UGP2: variants seen among roughly 807,000 people sequenced by gnomAD.
UGP2 encodes the protein UDP-glucose pyrophosphorylase 2.
In UGP2, 40 loss-of-function variants were observed where a neutral mutation model predicts 49.0. The observed-to-expected ratio is 0.82, with a 90% confidence interval of 0.63 to 1.06. UGP2 has a LOEUF of 1.06. UGP2 is among the 50% of genes least tolerant of loss of function. The probability of loss-of-function intolerance (pLI) is 0.00; values close to 1 mark genes in which losing one functional copy is unlikely to be tolerated. For missense variants in UGP2, 460 were observed against 603.5 expected (o/e 0.76, Z 2.49); for synonymous variants, 225 against 213.0 (o/e 1.06, Z -0.49).
intron 3 of UGP2, among the ~76,000 whole-genome samples, chr2:63,876,027 T>C (rs1195700707): frequency 6.6e-6 from 1 of 152,032 alleles, no homozygotes; most frequent in Non-Finnish European, 1.5e-5. Flanking sequence ...TGCATTCTCC[T>C]GGGGGAGCTA....
At chr2:63,890,647 A>G (rs1301765785) in intron 9 of UGP2, among the ~76,000 whole-genome samples, 1 of 152,224 alleles carries the variant, frequency 6.6e-6, no homozygotes, top group African/African-American at 2.4e-5. Context: ...ACTTACTTAA[A>G]TGAAGATCTT....
intron 2 of UGP2, 24 bp downstream of exon 2, chr2:63,856,457 C>CTG: frequency 6.3e-7 from 1 of 1,598,040 alleles, no homozygotes; most frequent in Non-Finnish European, 8.5e-7. Flanking sequence ...TACAGTGTTC[C>CTG]ACCCCCCCGC....
At chr2:63,856,105 G>T in intron 1 of UGP2, 4 of 529,720 alleles carry the variant, frequency 7.6e-6, no homozygotes, top group Non-Finnish European at 1.3e-5. Flanking sequence ...CTCTCAAGGG[G>T]TTCTTGTTTA....
intron 1 of UGP2, among the ~76,000 whole-genome samples, chr2:63,847,691 T>TTGAGCCAGGA (rs1668739980): frequency 6.6e-6 from 1 of 152,182 alleles, no homozygotes; most frequent in African/African-American, 2.4e-5. Flanking sequence ...TGGGGTGGTT[T>TTGAGCCAGGA]TGAGCCAGGA....
intron 3 of UGP2, among the ~76,000 whole-genome samples, chr2:63,860,550 A>G (rs1158537831): frequency 6.6e-6 from 1 of 152,102 alleles, no homozygotes; most frequent in Admixed American, 6.6e-5. Context: ...AACTGACCTC[A>G]TATGCCTTTG....
intron 3 of UGP2, among the ~76,000 whole-genome samples, chr2:63,865,532 AT>A (rs11418488): frequency 1.3e-3 from 171 of 128,218 alleles, no homozygotes; most frequent in Middle Eastern, 4.1e-3. Context: ...GCTTGGGTCT[AT>A]TTTTTTTTTT....
intron 3 of UGP2, among the ~76,000 whole-genome samples, chr2:63,867,146 G>T (rs1044991784): frequency 2.0e-5 from 3 of 152,208 alleles, no homozygotes; most frequent in South Asian, 4.1e-4. Context: ...CAGTCAACAG[G>T]TATCTGAGAA....
chr2:63,857,783 A>G (rs1428280912), intron 2 of UGP2, 46 bp from the exon 3 acceptor site: 1 of 1,517,572 alleles, frequency 6.6e-7, no homozygotes, highest in South Asian at 1.2e-5. Flanking sequence ...TTTTTATTAA[A>G]TATTAAGCAT....
chr2:63,885,997 T>G, intron 6 of UGP2, 111 bp downstream of exon 6: 1 of 1,213,910 alleles, frequency 8.2e-7, no homozygotes, highest in South Asian at 1.8e-5. Context: ...ACATTTAATA[T>G]GTTCTGTTTG....
chr2:63,859,364 T>C (rs1669676071), intron 3 of UGP2, among the ~76,000 whole-genome samples: 2 of 152,166 alleles, frequency 1.3e-5, no homozygotes, highest in South Asian at 4.1e-4. Context: ...AACTTAACTT[T>C]TCGGAGACAG....
At position 63,842,110 on chromosome 2, in the gene UGP2, AAG is replaced by A. The variant is rs112594051; in HGVS notation, c.-70_-69del. The A allele has an allele frequency of 1.4e-5, 22 of 1,525,424 alleles. No individual in the cohort carries two copies. The highest frequency in any genetic ancestry group is 1.1e-4 in the African/African-American group (8 of 71,780). The allele number at this position is 1,525,424 out of a possible 1,614,324, so 94.5% of individuals were successfully genotyped here. ...ACATCGGTTGTTAAAGCAGGAGAGG[AAG>A]AGAGACCTGCCCTGTAGCGTGACTC... is the stretch of plus-strand genomic sequence containing the variant. On this transcript the variant is annotated 5_prime_UTR_variant, in exon 1 of 10. Coordinates refer to ENST00000337130, the MANE Select transcript of UGP2 (RefSeq NM_006759.4).
Position 63,890,258 on chromosome 2 carries a change from C to T in UGP2, c.1419+73C>T, listed in dbSNP as rs564893549. The T allele has an allele frequency of 2.3e-3, 2,671 of 1,136,862 alleles. 5 individuals are homozygous for T. Among genetic ancestry groups the T allele is most frequent in the Non-Finnish European group, 3.1e-3 (2,426 of 793,150 alleles). The allele number at this position is 1,136,862 out of a possible 1,614,324, so 70.4% of individuals were successfully genotyped here. ...GTCTCATTTTCTAGTCATAAATTTA[C>T]ATTTACTTTAAGGAATACTTGTTAG... On this transcript the variant is annotated intron_variant, in intron 9 of 9. Transcript: ENST00000337130.
At position 63,891,442 on chromosome 2, in the gene UGP2, C is replaced by CT. The variant is rs1031285470; in HGVS notation, c.*217dup. The CT allele has an allele frequency of 8.7e-5, 33 of 379,274 alleles. No individual in the cohort carries two copies. The highest frequency in any genetic ancestry group is 6.9e-4 in the African/African-American group (33 of 48,074). 23.5% of individuals were successfully genotyped at this position (379,274 alleles called of 1,614,324 possible). ...AAGAGAATCCCAAAAGTTAGTTCAT[C>CT]TTAAAGTGCAATATTGTTTAATCTT... On this transcript the variant is annotated 3_prime_UTR_variant, in exon 10 of 10. Transcript: ENST00000337130.
chr2:63,877,970 G>A (rs1422920114), intron 3 of UGP2, among the ~76,000 whole-genome samples: 2 of 121,970 alleles, frequency 1.6e-5, no homozygotes, highest in African/African-American at 3.2e-5. Flanking sequence ...TCCGCAGTCC[G>A]GCCTGGGCGA....
chr2:63,887,329 C>A, intron 7 of UGP2, 73 bp from the exon 8 acceptor site: 2 of 1,513,592 alleles, frequency 1.3e-6, no homozygotes, highest in Non-Finnish European at 1.8e-6. Flanking sequence ...CAAATATTAA[C>A]TAACCTACAT....
chr2:63,887,793 C>G (rs1046101109), intron 8 of UGP2, 149 bp downstream of exon 8: 7 of 1,011,540 alleles, frequency 6.9e-6, no homozygotes, highest in South Asian at 3.6e-5. Context: ...GGGAATTGAC[C>G]ATAGAAGATA....
At chr2:63,861,701 A>AC (rs1553462888) in intron 3 of UGP2, among the ~76,000 whole-genome samples, 25 of 151,650 alleles carry the variant, frequency 1.6e-4, no homozygotes, top group African/African-American at 2.4e-4. Flanking sequence ...AAAAAAAAAA[A>AC]AACAAAAAAA....
At chr2:63,842,416 A>G (rs1671626974) in intron 1 of UGP2, 3 of 1,574,964 alleles carry the variant, frequency 1.9e-6, no homozygotes, top group Non-Finnish European at 1.7e-6. Context: ...TGCTGGGTTT[A>G]GTTTTGCCTC....
At chr2:63,847,439 A>C (rs980603011) in intron 1 of UGP2, among the ~76,000 whole-genome samples, 1 of 152,200 alleles carries the variant, frequency 6.6e-6, no homozygotes, top group Admixed American at 6.5e-5. Flanking sequence ...CCTAGTTCCC[A>C]CCAAGCTTTT....
Sources: allele counts gnomAD v4.1 joint callset (sites outside exome capture counted in the v4.1 genomes callset), GRCh38; gene constraint gnomAD v4.1.1; transcripts MANE v1.5; gene names NCBI Gene and HGNC (gene_info 2026-07-23, HGNC 2026-07-21).